CDK14: variants seen among roughly 807,000 people sequenced by gnomAD.
CDK14 encodes the protein cyclin dependent kinase 14.
CDK14 carries 34 observed loss-of-function variants against 60.7 expected under a neutral mutation model. That is an observed-to-expected ratio of 0.56 (90% CI 0.43 to 0.75). The LOEUF (loss-of-function observed/expected upper bound fraction) is 0.75, where lower values mean the gene tolerates loss of function less well. Among genes scored for constraint, CDK14 ranks in the 30% least tolerant of loss-of-function variants. CDK14 has a pLI of 0.00. For synonymous variants in CDK14, 197 were observed against 203.7 expected (o/e 0.97, Z 0.28); for missense variants, 482 against 564.1 (o/e 0.85, Z 1.47).
At chr7:90,850,875 T>C (rs969703135) in intron 5 of CDK14, among the ~76,000 whole-genome samples, 1 of 152,164 alleles carries the variant, frequency 6.6e-6, no homozygotes, top group Non-Finnish European at 1.5e-5. Flanking sequence ...CCCCTTTACT[T>C]ATTACTGTCT....
At chr7:90,700,157 G>GCACA in intron 2 of CDK14, among the ~76,000 whole-genome samples, 1 of 152,112 alleles carries the variant, frequency 6.6e-6, no homozygotes, top group South Asian at 2.1e-4. Flanking sequence ...GCAGTGGTGT[G>GCACA]ATCTTGGCTC....
chr7:90,938,478 TA>T (rs1793820275), intron 8 of CDK14, among the ~76,000 whole-genome samples: 1 of 152,204 alleles, frequency 6.6e-6, no homozygotes, highest in African/African-American at 2.4e-5. Flanking sequence ...TTTGGGGGGT[TA>T]AAACTTAGTA....
intron 2 of CDK14, among the ~76,000 whole-genome samples, chr7:90,687,556 GATA>G (rs376971811): frequency 1.8e-4 from 28 of 152,008 alleles, no homozygotes; most frequent in Admixed American, 7.9e-4. Context: ...GGGATATGAA[GATA>G]ATAATGGATC....
intron 2 of CDK14, chr7:90,608,445 A>G: frequency 2.6e-6 from 1 of 387,154 alleles, no homozygotes; most frequent in Non-Finnish European, 3.5e-6. Context: ...GGAAATGGTG[A>G]TAGCTACAGC....
chr7:90,866,524 T>C (rs1791198890), intron 6 of CDK14, among the ~76,000 whole-genome samples: 1 of 152,134 alleles, frequency 6.6e-6, no homozygotes, highest in South Asian at 2.1e-4. Flanking sequence ...GTAAAATAAT[T>C]TAAGATTCAT....
chr7:90,847,375 A>C (rs957600679), intron 5 of CDK14, among the ~76,000 whole-genome samples: 3 of 152,216 alleles, frequency 2.0e-5, no homozygotes, highest in African/African-American at 7.2e-5. Context: ...AGGAATTAAA[A>C]AATATTTTAA....
intron 14 of CDK14, among the ~76,000 whole-genome samples, chr7:91,129,102 G>A (rs545947082): frequency 2.8e-4 from 43 of 152,304 alleles, no homozygotes; most frequent in Admixed American, 5.9e-4. Flanking sequence ...TCAAAGTGTG[G>A]TCCATATACC....
At chr7:90,919,907 A>C (rs115202925) in intron 8 of CDK14, among the ~76,000 whole-genome samples, 269 of 152,356 alleles carry the variant, frequency 1.8e-3, no homozygotes, top group African/African-American at 5.9e-3. Context: ...GGTTCTTATG[A>C]CCAGACTGCT....
intron 2 of CDK14, among the ~76,000 whole-genome samples, chr7:90,669,829 A>G (rs568007679): frequency 6.6e-6 from 1 of 152,352 alleles, no homozygotes; most frequent in South Asian, 2.1e-4. Flanking sequence ...AGTGAGACAG[A>G]CAGACATGAG....
chr7:91,179,021 G>C (rs945240075), intron 14 of CDK14, among the ~76,000 whole-genome samples: 1 of 151,946 alleles, frequency 6.6e-6, no homozygotes, highest in South Asian at 2.1e-4. Context: ...TGTTTATTGC[G>C]GCATTATTCA....
intron 4 of CDK14, among the ~76,000 whole-genome samples, chr7:90,766,316 T>C (rs1163377577): frequency 2.6e-5 from 4 of 152,228 alleles, no homozygotes; most frequent in Non-Finnish European, 5.9e-5. Context: ...GGGTTAATAA[T>C]AGAATTGATT....
intron 12 of CDK14, among the ~76,000 whole-genome samples, chr7:91,106,738 G>C (rs1237558760): frequency 6.6e-6 from 1 of 152,182 alleles, no homozygotes; most frequent in Non-Finnish European, 1.5e-5. Context: ...TTGGAGAACT[G>C]AGGGTGAAGA....
chr7:90,838,307 T>C (rs1790180263), intron 5 of CDK14, among the ~76,000 whole-genome samples: 1 of 152,192 alleles, frequency 6.6e-6, no homozygotes, highest in African/African-American at 2.4e-5. Flanking sequence ...GTCATCTTCA[T>C]AGGCTGAGGA....
chr7:90,962,305 G>A (rs7796128), intron 9 of CDK14, among the ~76,000 whole-genome samples: 213 of 152,168 alleles, frequency 1.4e-3, no homozygotes, highest in African/African-American at 4.8e-3. Flanking sequence ...CCATCAACAT[G>A]GTGAAACTGC....
At chr7:91,125,076 A>G (rs1264920677) in intron 14 of CDK14, among the ~76,000 whole-genome samples, 1 of 152,158 alleles carries the variant, frequency 6.6e-6, no homozygotes, top group East Asian at 1.9e-4. Context: ...ATGGTCTGGG[A>G]TGACATTTGA....
rs116829846 is a variant in CDK14, at chr7:91,113,983, C to G, written c.1294+1302C>G. On this transcript the variant is annotated intron_variant, in intron 13 of 14. Transcript: ENST00000380050. ...CTCTGCCCTTTCTAAAGTCTACTCACTGACTATTACAACAGCTATCCTCAA... is the reference window on the plus strand; with the variant it reads ...CTCTGCCCTTTCTAAAGTCTACTCAGTGACTATTACAACAGCTATCCTCAA... Among the ~76,000 whole-genome samples the G allele has an allele frequency of 6.9e-3, 1,047 of 152,250 alleles. 15 individuals are homozygous for G. Among genetic ancestry groups the G allele is most frequent in the African/African-American group, 0.024 (992 of 41,524 alleles).
chr7:90,755,258 A>T (rs1381333010), intron 4 of CDK14, among the ~76,000 whole-genome samples: 1 of 152,242 alleles, frequency 6.6e-6, no homozygotes, highest in East Asian at 1.9e-4. Context: ...TGTGGTACAT[A>T]TACACCACAG....
chr7:90,764,414 C>G (rs936897087), intron 4 of CDK14, among the ~76,000 whole-genome samples: 12 of 152,264 alleles, frequency 7.9e-5, no homozygotes, highest in African/African-American at 2.9e-4. Context: ...GAGCTCAAAG[C>G]TAACAGGTTG....
intron 5 of CDK14, among the ~76,000 whole-genome samples, chr7:90,853,991 A>G (rs1217087907): frequency 1.3e-5 from 2 of 152,132 alleles, no homozygotes; most frequent in South Asian, 2.1e-4. Flanking sequence ...CTGCAGAACT[A>G]CCTTGTTTTG....
Sources: allele counts gnomAD v4.1 joint callset (sites outside exome capture counted in the v4.1 genomes callset), GRCh38; gene constraint gnomAD v4.1.1; transcripts MANE v1.5; gene names NCBI Gene and HGNC (gene_info 2026-07-23, HGNC 2026-07-21).